The following MKRN2 variants were observed in gnomAD, a reference collection of about 807,000 sequenced individuals.
MKRN2 encodes the protein E3 ubiquitin-protein ligase makorin-2.
MKRN2 carries 32 observed loss-of-function variants against 45.4 expected under a neutral mutation model. The ratio of observed to expected loss-of-function variants is 0.70; its 90% CI spans 0.53 to 0.95. MKRN2 has a LOEUF of 0.95. Among genes scored for constraint, MKRN2 ranks in the 40% least tolerant of loss-of-function variants. The pLI, the probability that MKRN2 is intolerant of heterozygous loss-of-function variation, is 0.00. For missense variants in MKRN2, 526 were observed against 536.7 expected, an observed-to-expected ratio of 0.98 and a Z score of 0.20; for synonymous variants, 206 against 192.4, an observed-to-expected ratio of 1.07 and a Z score of -0.59.
chr3:12,568,946 C>G lies in MKRN2; in HGVS notation c.98C>G (p.Pro33Arg). The G allele has an allele frequency of 6.2e-7, 1 of 1,614,104 alleles. No homozygotes were observed. The highest frequency in any genetic ancestry group is 8.5e-7 in the Non-Finnish European group (1 of 1,180,006). Residue 33 changes from proline to arginine, a missense_variant, in exon 2 of 8, where the codon CCG becomes CGG. Transcript: ENST00000170447. Reference sequence around the variant, plus strand: ...TCACATGACTTGGCAAACAGCAAACCGTCCACCATCTGCAAGTACTACCAG... The same window carrying G: ...TCACATGACTTGGCAAACAGCAAACGGTCCACCATCTGCAAGTACTACCAG... ...LFSHDLANSK[P>R]STICKYYQKG...
Position 12,579,241 on chromosome 3 carries a change from T to A in MKRN2, c.968+2500T>A, listed in dbSNP as rs1412228378. ...TGGCAGTGGCATGATTTCAGCTCAC[T>A]GCAACCTCCGCCTCCAGGGTTCAAG... On this transcript the variant is annotated intron_variant, in intron 6 of 7. Transcript: ENST00000170447. 2.6e-5 allele frequency among the ~76,000 whole-genome samples: 4 copies of A among 152,332 alleles called. No individual in the cohort carries two copies. The South Asian group carries it at 6.2e-4, about 24-fold the overall frequency.
At position 12,582,413 on chromosome 3, in the gene MKRN2, C is replaced by T; in HGVS notation, c.*160C>T. 1 of 853,266 alleles carries T rather than the reference C, an allele frequency of 1.2e-6. No individual in the cohort carries two copies. The highest frequency in any genetic ancestry group is 1.7e-5 in the African/African-American group (1 of 59,066). The allele number at this position is 853,266 out of a possible 1,614,324, so 52.9% of individuals were successfully genotyped here. A position where few individuals can be genotyped will look rare whatever the true frequency, so the allele number is the denominator to read the frequency against. On this transcript the variant is annotated 3_prime_UTR_variant, in exon 8 of 8. Coordinates refer to ENST00000170447, the MANE Select transcript of MKRN2 (RefSeq NM_014160.5). ...CTCATTCAATCTCCATTATTACAGC[C>T]ATGGGGAAGAGTGAAAGATATAAAG...
chr3:12,575,292 T>G (rs550723380), intron 5 of MKRN2, among the ~76,000 whole-genome samples: 1 of 152,350 alleles, frequency 6.6e-6, no homozygotes, highest in Non-Finnish European at 1.5e-5. Flanking sequence ...TTTCATCTCC[T>G]AGCCTTGTGT....
At chr3:12,564,635 T>C (rs889548122) in intron 1 of MKRN2, among the ~76,000 whole-genome samples, 1 of 152,232 alleles carries the variant, frequency 6.6e-6, no homozygotes, top group Non-Finnish European at 1.5e-5. Flanking sequence ...ATAACTTATA[T>C]ACCATAAAAT....
chr3:12,569,143 A>G, intron 2 of MKRN2, 140 bp downstream of exon 2: 1 of 1,101,052 alleles, frequency 9.1e-7, no homozygotes, highest in Non-Finnish European at 1.2e-6. Context: ...CCTCAGTTTC[A>G]GTACCCTAAA....
chr3:12,558,909 AG>A (rs1231217817), intron 1 of MKRN2, among the ~76,000 whole-genome samples: 7 of 152,226 alleles, frequency 4.6e-5, no homozygotes, highest in Non-Finnish European at 1.0e-4. Flanking sequence ...GCTCTTCCAC[AG>A]ATCGTAAAAC....
intron 1 of MKRN2, among the ~76,000 whole-genome samples, chr3:12,565,977 G>T (rs1006848278): frequency 6.6e-6 from 1 of 152,068 alleles, no homozygotes; most frequent in African/African-American, 2.4e-5. Flanking sequence ...GGCTCAAGCA[G>T]TCCTCCCACC....
At chr3:12,570,016 G>A (rs754425241) in intron 2 of MKRN2, 55 bp from the exon 3 acceptor site, 1 of 1,494,470 alleles carries the variant, frequency 6.7e-7, no homozygotes, top group Non-Finnish European at 9.0e-7. Flanking sequence ...TGGGGAGTGT[G>A]GGAGATGTGT....
chr3:12,572,990 A>G (rs1265571448), intron 4 of MKRN2, among the ~76,000 whole-genome samples: 3 of 152,206 alleles, frequency 2.0e-5, no homozygotes, highest in African/African-American at 7.2e-5. Context: ...GGACCATGGT[A>G]TGTCGTCTGT....
In MKRN2 at chr3:12,570,213, G is replaced by A. The variant is rs146592017; in HGVS notation, c.298G>A (p.Gly100Arg). ...SIVKTNSHEP[G>R]KREKRTLVLR... ...TGTGAAAACTAACTCACATGAACCCGGAAAGCGTGAAAAGAGAACATTGGT... is the reference window on the plus strand; with the variant it reads ...TGTGAAAACTAACTCACATGAACCCAGAAAGCGTGAAAAGAGAACATTGGT... The change falls in exon 3 of 8, where the codon GGA becomes AGA. Residue 100 changes from glycine to arginine, a missense_variant. Physicochemically the swap from Gly to Arg is moderately radical, Grantham distance 125. Transcript: ENST00000170447. 3.9e-5 allele frequency: 63 copies of A among 1,613,980 alleles called. No homozygotes were observed. Among genetic ancestry groups the A allele is most frequent in the Middle Eastern group, 1.6e-4 (1 of 6,084 alleles).
intron 6 of MKRN2, among the ~76,000 whole-genome samples, chr3:12,578,296 AG>A (rs2058155003): frequency 6.8e-6 from 1 of 146,208 alleles, no homozygotes; most frequent in African/African-American, 2.5e-5. Flanking sequence ...GGCCTGCTCC[AG>A]GATAAGAGCT....
At chr3:12,562,270 G>A (rs1259988271) in intron 1 of MKRN2, among the ~76,000 whole-genome samples, 3 of 152,132 alleles carry the variant, frequency 2.0e-5, no homozygotes, top group Non-Finnish European at 4.4e-5. Context: ...TAGACACAGC[G>A]AGACACTCTC....
rs1198934158 is a variant in MKRN2, at chr3:12,583,554, C to CAAGTTGT, written c.*1302_*1308dup. 1.4e-5 allele frequency: 3 copies of CAAGTTGT among 218,010 alleles called. No individual in the cohort carries two copies. The highest frequency in any genetic ancestry group is 6.8e-5 in the African/African-American group (3 of 44,442). 13.5% of individuals were successfully genotyped at this position (218,010 alleles called of 1,614,324 possible). ...GAAGAGGGTGAACAAATGGGGCATT[C>CAAGTTGT]AAGTTGTGAGCTCAGAATTACTTTA... On this transcript the variant is annotated 3_prime_UTR_variant, in exon 8 of 8. Transcript: ENST00000170447.
At chr3:12,560,316 T>A (rs538943871) in intron 1 of MKRN2, among the ~76,000 whole-genome samples, 1 of 152,222 alleles carries the variant, frequency 6.6e-6, no homozygotes, top group East Asian at 1.9e-4. Context: ...CTTCAGTGTC[T>A]TCACCACCAC....
rs376039346 is a variant in MKRN2 at position 12,582,289 on chromosome 3, G to A, written c.*36G>A. 2.3e-5 allele frequency: 37 copies of A among 1,609,264 alleles called. No individual in the cohort carries two copies. The African/African-American group carries it at 3.5e-4, about 15-fold the overall frequency. ...GTTGCCCTGCATCTTGGGCTCCATCGGCCGAAACTTTCCCAAGCCAGGGTG... is the reference window on the plus strand; with the variant it reads ...GTTGCCCTGCATCTTGGGCTCCATCAGCCGAAACTTTCCCAAGCCAGGGTG... On this transcript the variant is annotated 3_prime_UTR_variant, in exon 8 of 8. Coordinates refer to ENST00000170447, the MANE Select transcript of MKRN2 (RefSeq NM_014160.5).
At chr3:12,575,823 G>A (rs1216578109) in intron 5 of MKRN2, among the ~76,000 whole-genome samples, 2 of 152,208 alleles carry the variant, frequency 1.3e-5, no homozygotes, top group Admixed American at 1.3e-4. Flanking sequence ...AGTGTTGTCA[G>A]AGTTCATCCC....
At chr3:12,575,956 A>G (rs2058132662) in intron 5 of MKRN2, among the ~76,000 whole-genome samples, 1 of 152,170 alleles carries the variant, frequency 6.6e-6, no homozygotes, top group South Asian at 2.1e-4. Flanking sequence ...CTTTGCAACT[A>G]TTATGAATAA....
intron 6 of MKRN2, among the ~76,000 whole-genome samples, chr3:12,579,046 G>C (rs2058161623): frequency 6.6e-6 from 1 of 151,928 alleles, no homozygotes. Context: ...ATTGCTATTT[G>C]GATCTTTCCT....
intron 1 of MKRN2, among the ~76,000 whole-genome samples, chr3:12,567,592 G>A (rs1488319432): frequency 4.7e-5 from 7 of 149,200 alleles, no homozygotes; most frequent in African/African-American, 1.2e-4. Context: ...GAGTTCAAGC[G>A]ATTCTCCTGC....
Sources: gnomAD v4.1 joint callset for allele counts (sites outside exome capture counted in the v4.1 genomes callset) on GRCh38, gnomAD v4.1.1 for gene constraint, MANE v1.5 for transcripts, NCBI Gene and HGNC (gene_info 2026-07-23, HGNC 2026-07-21) for gene names.